Variants in RARB observed in about 807,000 individuals in gnomAD.
RARB encodes the protein HBV-activated protein.
In RARB, 17 loss-of-function variants were observed where a neutral mutation model predicts 51.9. The ratio of observed to expected loss-of-function variants is 0.33; its 90% CI spans 0.22 to 0.49. The LOEUF (loss-of-function observed/expected upper bound fraction) is 0.49. Among genes scored for constraint, RARB ranks in the 20% least tolerant of loss-of-function variants. The pLI is 0.99. For missense variants in RARB, 369 were observed against 550.8 expected, an observed-to-expected ratio of 0.67 and a Z score of 3.30; for synonymous variants, 215 against 195.4, an observed-to-expected ratio of 1.10 and a Z score of -0.84.
chr3:24,894,776 T>C (rs1028717478), intron 2 of RARB, among the ~76,000 whole-genome samples: 3 of 152,220 alleles, frequency 2.0e-5, no homozygotes, highest in East Asian at 1.9e-4. Context: ...ATATCAATTA[T>C]GTGTTTAGGG....
intron 5 of RARB, among the ~76,000 whole-genome samples, chr3:25,180,820 T>A (rs1390624485): frequency 1.3e-5 from 2 of 152,226 alleles, no homozygotes; most frequent in African/African-American, 2.4e-5. Flanking sequence ...TAATTAGTCT[T>A]GTTATTTGAA....
chr3:24,954,549 GAAAGTTTTATAAATAGCAATTCCATCA>G (rs1695967943), intron 2 of RARB, among the ~76,000 whole-genome samples: 1 of 152,278 alleles, frequency 6.6e-6, no homozygotes, highest in African/African-American at 2.4e-5. Context: ...GTGATTCACT[GAAAGTTTTATAAATAGCAATTCCATCA>G]ATCTAGAACC....
At chr3:24,888,960 T>G (rs1399921074) in intron 2 of RARB, among the ~76,000 whole-genome samples, 2 of 152,204 alleles carry the variant, frequency 1.3e-5, no homozygotes, top group Admixed American at 6.6e-5. Context: ...AAACAGTAAC[T>G]GTCAGACTAA....
chr3:25,080,283 G>C (rs1469268995), intron 3 of RARB, among the ~76,000 whole-genome samples: 2 of 152,180 alleles, frequency 1.3e-5, no homozygotes, highest in South Asian at 2.1e-4. Context: ...TCATTGATGA[G>C]TAATATTAAA....
At chr3:25,047,706 G>C (rs1698245398) in intron 2 of RARB, among the ~76,000 whole-genome samples, 1 of 152,124 alleles carries the variant, frequency 6.6e-6, no homozygotes, top group Non-Finnish European at 1.5e-5. Flanking sequence ...AAACAGAGAG[G>C]CTCAACAAAT....
chr3:25,014,072 T>C (rs923912087), intron 2 of RARB, among the ~76,000 whole-genome samples: 1 of 152,244 alleles, frequency 6.6e-6, no homozygotes, highest in African/African-American at 2.4e-5. Context: ...AACTCAAAAC[T>C]TACCTCCTTA....
intron 2 of RARB, among the ~76,000 whole-genome samples, chr3:25,001,860 C>T (rs1164974995): frequency 6.6e-6 from 1 of 152,090 alleles, no homozygotes; most frequent in Non-Finnish European, 1.5e-5. Context: ...TCATCTAAAC[C>T]TCTGCCCTCC....
chr3:24,990,965 C>T (rs1386067746), intron 2 of RARB, among the ~76,000 whole-genome samples: 1 of 152,258 alleles, frequency 6.6e-6, no homozygotes, highest in Non-Finnish European at 1.5e-5. Context: ...TATTTCATGG[C>T]TCTTGTTGCT....
intron 5 of RARB, among the ~76,000 whole-genome samples, chr3:25,295,299 G>A (rs541244937): frequency 6.6e-6 from 1 of 152,274 alleles, no homozygotes; most frequent in South Asian, 2.1e-4. Context: ...GGGAGGTGAT[G>A]AGGTTCTGCC....
At chr3:25,196,835 T>G (rs922691848) in intron 5 of RARB, among the ~76,000 whole-genome samples, 1 of 152,308 alleles carries the variant, frequency 6.6e-6, no homozygotes, top group Non-Finnish European at 1.5e-5. Context: ...AATGAGCATT[T>G]TTTCGTGTGT....
At chr3:25,537,750 A>T (rs183685170) in intron 3 of RARB, among the ~76,000 whole-genome samples, 2 of 152,270 alleles carry the variant, frequency 1.3e-5, no homozygotes, top group African/African-American at 4.8e-5. Flanking sequence ...TCAGTTCATA[A>T]AGCTGAGGAC....
chr3:24,882,957 C>G (rs1438517406), intron 2 of RARB, among the ~76,000 whole-genome samples: 2 of 152,018 alleles, frequency 1.3e-5, no homozygotes, highest in Non-Finnish European at 2.9e-5. Context: ...CTTATTTATT[C>G]TCTTCTGATG....
intron 2 of RARB, among the ~76,000 whole-genome samples, chr3:24,888,410 T>G (rs974375924): frequency 1.3e-5 from 2 of 152,268 alleles, no homozygotes; most frequent in African/African-American, 4.8e-5. Context: ...TTTTATTCTT[T>G]TTTTATTTTT....
intron 1 of RARB, among the ~76,000 whole-genome samples, chr3:25,459,095 A>G (rs918513355): frequency 5.3e-5 from 8 of 152,240 alleles, no homozygotes; most frequent in Admixed American, 3.9e-4. Flanking sequence ...ATATAAAATT[A>G]TATACAAACA....
intron 5 of RARB, among the ~76,000 whole-genome samples, chr3:25,177,418 AAG>A (rs899671132): frequency 2.6e-5 from 4 of 152,222 alleles, no homozygotes; most frequent in African/African-American, 9.6e-5. Context: ...GTGGAATAAA[AAG>A]GGAGCAAACA....
At chr3:24,904,510 C>A (rs1289032135) in intron 2 of RARB, among the ~76,000 whole-genome samples, 1 of 152,164 alleles carries the variant, frequency 6.6e-6, no homozygotes, top group Non-Finnish European at 1.5e-5. Context: ...AGTCAGGAAA[C>A]AATGGATGCT....
intron 2 of RARB, among the ~76,000 whole-genome samples, chr3:24,924,837 C>A (rs1044509346): frequency 2.0e-5 from 3 of 152,080 alleles, no homozygotes; most frequent in East Asian, 1.9e-4. Context: ...TGAGGTAATA[C>A]CCCTTATCCT....
At chr3:25,450,387 G>A (rs1012740469) in intron 1 of RARB, among the ~76,000 whole-genome samples, 7 of 152,214 alleles carry the variant, frequency 4.6e-5, no homozygotes, top group Admixed American at 2.0e-4. Flanking sequence ...TGTAGTAAGC[G>A]TGGTTGTCAT....
At chr3:25,287,969 G>A (rs1013612237) in intron 5 of RARB, among the ~76,000 whole-genome samples, 3 of 151,966 alleles carry the variant, frequency 2.0e-5, no homozygotes, top group African/African-American at 7.3e-5. Context: ...AGGAGTGGAA[G>A]AAACTTTTCA....
Sources: gnomAD v4.1 joint callset for allele counts (sites outside exome capture counted in the v4.1 genomes callset) on GRCh38, gnomAD v4.1.1 for gene constraint, MANE v1.5 for transcripts, NCBI Gene and HGNC (gene_info 2026-07-23, HGNC 2026-07-21) for gene names.